The following EPHA3 variants were observed in gnomAD, a reference collection of about 807,000 sequenced individuals.
EPHA3 encodes EPH receptor A3.
Under a neutral mutation model 107.1 loss-of-function variants are expected in EPHA3, and 42 were observed. That is an observed-to-expected ratio of 0.39 (90% CI 0.31 to 0.51). The LOEUF is 0.51. Among genes scored for constraint, EPHA3 ranks in the 20% least tolerant of loss-of-function variants. EPHA3 has a pLI of 0.78. For synonymous variants in EPHA3, 461 were observed against 424.8 expected, an observed-to-expected ratio of 1.09 and a Z score of -1.05; for missense variants, 1,183 against 1,211.2, an observed-to-expected ratio of 0.98 and a Z score of 0.35.
At chr3:89,209,726 T>C in intron 2 of EPHA3, 134 bp from the exon 3 acceptor site, 4 of 763,106 alleles carry the variant, frequency 5.2e-6, no homozygotes. Context: ...ACCTTGCAAA[T>C]AAAAACTACA....
At chr3:89,198,414 A>G (rs538650541) in intron 2 of EPHA3, among the ~76,000 whole-genome samples, 25 of 150,426 alleles carry the variant, frequency 1.7e-4, no homozygotes, top group African/African-American at 6.2e-4. Flanking sequence ...TCTCTTAGTT[A>G]TTAAGTAGTA....
intron 3 of EPHA3, among the ~76,000 whole-genome samples, chr3:89,221,006 G>C (rs369777049): frequency 6.6e-6 from 1 of 152,096 alleles, no homozygotes; most frequent in African/African-American, 2.4e-5. Context: ...GAAAAATCAG[G>C]CAATTGTCCA....
At chr3:89,453,673 G>GT (rs900170228) in intron 15 of EPHA3, among the ~76,000 whole-genome samples, 1 of 152,034 alleles carries the variant, frequency 6.6e-6, no homozygotes, top group Non-Finnish European at 1.5e-5. Context: ...ATGTCAAGAA[G>GT]TTTTTTTCTC....
At chr3:89,356,696 C>T (rs1158899226) in intron 5 of EPHA3, among the ~76,000 whole-genome samples, 2 of 150,982 alleles carry the variant, frequency 1.3e-5, no homozygotes, top group African/African-American at 4.8e-5. Flanking sequence ...TATGTATATC[C>T]ATTGATTCTG....
intron 3 of EPHA3, among the ~76,000 whole-genome samples, chr3:89,329,338 C>G (rs929276635): frequency 5.9e-5 from 9 of 152,058 alleles, no homozygotes; most frequent in Non-Finnish European, 1.2e-4. Context: ...ATGGCCAAGT[C>G]TGAGGTTATG....
chr3:89,215,895 G>A (rs2107194305), intron 3 of EPHA3, among the ~76,000 whole-genome samples: 1 of 151,802 alleles, frequency 6.6e-6, no homozygotes, highest in Middle Eastern at 3.4e-3. Flanking sequence ...GATTTTATAG[G>A]TCATTATTAA....
At chr3:89,135,700 G>A (rs1172434770) in intron 2 of EPHA3, among the ~76,000 whole-genome samples, 4 of 149,984 alleles carry the variant, frequency 2.7e-5, no homozygotes, top group African/African-American at 9.8e-5. Flanking sequence ...TTTTTTACTA[G>A]CAGACATATT....
chr3:89,344,431 C>G (rs1576323636), intron 5 of EPHA3, among the ~76,000 whole-genome samples: 3 of 152,250 alleles, frequency 2.0e-5, no homozygotes, highest in East Asian at 3.9e-4. Context: ...TAATATGCAC[C>G]ACCAGGCATT....
chr3:89,276,057 C>A (rs1257053109), intron 3 of EPHA3, among the ~76,000 whole-genome samples: 1 of 151,956 alleles, frequency 6.6e-6, no homozygotes, highest in Non-Finnish European at 1.5e-5. Flanking sequence ...GAGGTAGAAA[C>A]ACTCAGGAAA....
intron 3 of EPHA3, among the ~76,000 whole-genome samples, chr3:89,219,825 C>T (rs1421236693): frequency 6.9e-6 from 1 of 144,324 alleles, no homozygotes; most frequent in East Asian, 2.0e-4. Context: ...TCTCCTGCCT[C>T]AGCCTCCCAA....
At chr3:89,110,932 G>A (rs1243275641) in intron 1 of EPHA3, among the ~76,000 whole-genome samples, 3 of 151,864 alleles carry the variant, frequency 2.0e-5, no homozygotes, top group Non-Finnish European at 2.9e-5. Flanking sequence ...TAATTCATCA[G>A]CACATAATAC....
At chr3:89,425,959 G>A (rs1709447677) in intron 11 of EPHA3, among the ~76,000 whole-genome samples, 1 of 151,614 alleles carries the variant, frequency 6.6e-6, no homozygotes, top group African/African-American at 2.4e-5. Context: ...CTTTACAATT[G>A]TGAAAGATCA....
At chr3:89,399,896 A>G (rs1424367118) in intron 7 of EPHA3, 1 of 1,063,658 alleles carries the variant, frequency 9.4e-7, no homozygotes, top group Admixed American at 5.3e-5. Flanking sequence ...TCCTTAACAC[A>G]TTCAATAGCA....
At position 89,471,727 on chromosome 3, in the gene EPHA3, CTG is replaced by C. The variant is rs762325101; in HGVS notation, c.2691-723_2691-722del. On this transcript the variant is annotated intron_variant, in intron 15 of 16. Transcript: ENST00000336596. ...ACAATTACAATCCCTCTCTGAGTCTCTGTGTGTGTGTGTGTATGTGTGTGTGT... is the reference window on the plus strand; with the variant it reads ...ACAATTACAATCCCTCTCTGAGTCTCTGTGTGTGTGTGTATGTGTGTGTGT... 2.4e-3 allele frequency among the ~76,000 whole-genome samples: 365 copies of C among 150,754 alleles called. 1 individual carries two copies. Among genetic ancestry groups the C allele is most frequent in the Non-Finnish European group, 2.6e-3 (174 of 67,584 alleles).
chr3:89,409,461 G>A (rs1318441087), intron 9 of EPHA3, among the ~76,000 whole-genome samples: 3 of 151,886 alleles, frequency 2.0e-5, no homozygotes, highest in Non-Finnish European at 4.4e-5. Context: ...TTTATGGGAA[G>A]CCTACATCTT....
chr3:89,263,968 C>T (rs1172860589), intron 3 of EPHA3, among the ~76,000 whole-genome samples: 5 of 152,210 alleles, frequency 3.3e-5, no homozygotes, highest in East Asian at 3.9e-4. Flanking sequence ...ATGCATTACT[C>T]AACCCAGTAG....
At chr3:89,282,168 C>T (rs2107316248) in intron 3 of EPHA3, among the ~76,000 whole-genome samples, 1 of 152,192 alleles carries the variant, frequency 6.6e-6, no homozygotes, top group East Asian at 1.9e-4. Flanking sequence ...GCTTTTCTGA[C>T]ATTTCTCATG....
chr3:89,120,374 G>C (rs1707350686), intron 1 of EPHA3, among the ~76,000 whole-genome samples: 1 of 152,150 alleles, frequency 6.6e-6, no homozygotes, highest in African/African-American at 2.4e-5. Context: ...TAACAATGGA[G>C]AGAAACAAAG....
At chr3:89,431,390 C>A in intron 13 of EPHA3, 31 bp downstream of exon 13, 1 of 1,565,080 alleles carries the variant, frequency 6.4e-7, no homozygotes, top group Non-Finnish European at 8.7e-7. Context: ...CCTTTTTTAT[C>A]ATTGTTTTCC....
Sources: gnomAD v4.1 joint callset for allele counts (sites outside exome capture counted in the v4.1 genomes callset) on GRCh38, gnomAD v4.1.1 for gene constraint, MANE v1.5 for transcripts, NCBI Gene and HGNC (gene_info 2026-07-23, HGNC 2026-07-21) for gene names.